The following SLC41A2 variants were observed in gnomAD, a reference collection of about 807,000 sequenced individuals.
SLC41A2 encodes the protein SLC41A1-like 1.
In SLC41A2, 32 loss-of-function variants were observed where a neutral mutation model predicts 58.3. That is an observed-to-expected ratio of 0.55 (90% CI 0.41 to 0.74). The LOEUF (loss-of-function observed/expected upper bound fraction) is 0.74. Among genes scored for constraint, SLC41A2 ranks in the 30% least tolerant of loss-of-function variants. SLC41A2 has a pLI of 0.00. For missense variants in SLC41A2, 514 were observed against 680.6 expected, an observed-to-expected ratio of 0.76 and a Z score of 2.72; for synonymous variants, 190 against 235.0, an observed-to-expected ratio of 0.81 and a Z score of 1.75.
intron 10 of SLC41A2, among the ~76,000 whole-genome samples, chr12:104,815,827 C>T (rs1486994841): frequency 6.6e-6 from 1 of 152,116 alleles, no homozygotes; most frequent in African/African-American, 2.4e-5. Flanking sequence ...TTAGCATTAT[C>T]AATCAACAGG....
chr12:104,895,376 G>A, intron 3 of SLC41A2, 31 bp from the exon 4 acceptor site: 1 of 1,488,244 alleles, frequency 6.7e-7, no homozygotes, highest in Non-Finnish European at 9.4e-7. Flanking sequence ...ATGTATCACT[G>A]AAGAAAATCT....
chr12:104,844,600 G>C lies in SLC41A2; in HGVS notation c.1408C>G (p.Gln470Glu). 3.2e-6 allele frequency: 5 copies of C among 1,538,900 alleles called. No individual in the cohort carries two copies. Among genetic ancestry groups the C allele is most frequent in the Non-Finnish European group, 4.4e-6 (5 of 1,145,320 alleles). Residue 470 changes from glutamine (Q) to glutamate (E), a missense_variant, in exon 10 of 11, where the codon CAA becomes GAA. This residue lies in a region of SLC41A2 where 128 missense variants were observed against 146.0 expected (regional missense o/e 0.88). Coordinates refer to ENST00000258538, the MANE Select transcript of SLC41A2 (RefSeq NM_001352171.3). ...FGPGVNNKSA[Q>E]VLLLLVIPGH... ...GGAATCACTAAAAGCAGTAGAACTT[G>C]AGCAGACTTATTATTTACTCCTGTA...
At chr12:104,834,875 A>T (rs2136293023) in intron 10 of SLC41A2, among the ~76,000 whole-genome samples, 1 of 152,252 alleles carries the variant, frequency 6.6e-6, no homozygotes, top group Non-Finnish European at 1.5e-5. Flanking sequence ...TTATCCTGGG[A>T]TTCCAATTAT....
At chr12:104,879,315 T>C (rs993097982) in intron 6 of SLC41A2, among the ~76,000 whole-genome samples, 6 of 152,244 alleles carry the variant, frequency 3.9e-5, no homozygotes, top group African/African-American at 1.4e-4. Flanking sequence ...TTAGTTTAAT[T>C]AGATCCCATT....
intron 6 of SLC41A2, among the ~76,000 whole-genome samples, chr12:104,878,227 A>G (rs1188854050): frequency 2.6e-5 from 4 of 151,230 alleles, no homozygotes; most frequent in African/African-American, 7.3e-5. Flanking sequence ...ATTTGCAAGC[A>G]GCTGAAAAAT....
At chr12:104,907,336 A>G (rs1236911607) in intron 3 of SLC41A2, among the ~76,000 whole-genome samples, 1 of 151,898 alleles carries the variant, frequency 6.6e-6, no homozygotes, top group Non-Finnish European at 1.5e-5. Context: ...TTAATGTTCA[A>G]TAATTACAAT....
intron 7 of SLC41A2, among the ~76,000 whole-genome samples, chr12:104,862,468 G>A (rs1331063475): frequency 1.3e-5 from 2 of 151,896 alleles, no homozygotes; most frequent in Non-Finnish European, 2.9e-5. Flanking sequence ...ATCATGTTGT[G>A]GATATAACAT....
chr12:104,892,451 C>T (rs1158626746), intron 4 of SLC41A2, among the ~76,000 whole-genome samples: 3 of 151,760 alleles, frequency 2.0e-5, no homozygotes, highest in Non-Finnish European at 4.4e-5. Context: ...TCTACAGATT[C>T]AATGTAATCC....
intron 1 of SLC41A2, among the ~76,000 whole-genome samples, chr12:104,948,802 TG>T: frequency 6.6e-6 from 1 of 152,334 alleles, no homozygotes; most frequent in Non-Finnish European, 1.5e-5. Flanking sequence ...CCCAGTAAAC[TG>T]GATTCAAGTT....
chr12:104,853,927 T>TTTTTTTTTTTA, intron 8 of SLC41A2, among the ~76,000 whole-genome samples: 3 of 135,022 alleles, frequency 2.2e-5, no homozygotes, highest in African/African-American at 8.5e-5. Context: ...TTTTTTTTTT[T>TTTTTTTTTTTA]TTTTTTTTTT....
chr12:104,899,045 A>G lies in SLC41A2; in HGVS notation c.664-3700T>C, dbSNP rs138678552. Among the ~76,000 whole-genome samples the G allele has an allele frequency of 4.9e-3, 745 of 152,298 alleles. 8 individuals carry two copies. The highest frequency in any genetic ancestry group is 0.017 in the African/African-American group (716 of 41,574). On this transcript the variant is annotated intron_variant, in intron 3 of 10. Transcript: ENST00000258538. ...TGGTGTAAAGGCCTTTGCTAGGCCTACTGTTACTAGATTAGTTGACCTGAT... is the reference window on the plus strand; with the variant it reads ...TGGTGTAAAGGCCTTTGCTAGGCCTGCTGTTACTAGATTAGTTGACCTGAT...
intron 2 of SLC41A2, among the ~76,000 whole-genome samples, chr12:104,923,088 C>T (rs1013199633): frequency 6.6e-6 from 1 of 151,122 alleles, no homozygotes; most frequent in Admixed American, 6.6e-5. Context: ...AGAGGCCGGG[C>T]GCGGTGGCTC....
At chr12:104,906,681 T>C (rs2045867126) in intron 3 of SLC41A2, among the ~76,000 whole-genome samples, 1 of 152,224 alleles carries the variant, frequency 6.6e-6, no homozygotes, top group African/African-American at 2.4e-5. Context: ...AGGTCTCCAT[T>C]TGTATTGCTA....
intron 6 of SLC41A2, among the ~76,000 whole-genome samples, chr12:104,873,716 C>T (rs886179474): frequency 9.9e-5 from 15 of 152,210 alleles, no homozygotes; most frequent in Admixed American, 2.6e-4. Context: ...TGGTAATAGC[C>T]ATTATAACAG....
chr12:104,808,075 T>A (rs1276211822), intron 10 of SLC41A2, among the ~76,000 whole-genome samples: 1 of 152,224 alleles, frequency 6.6e-6, no homozygotes, highest in Non-Finnish European at 1.5e-5. Context: ...TCCTGCCTGA[T>A]TGCCCTGGCC....
At chr12:104,856,734 T>G (rs943260448) in intron 8 of SLC41A2, among the ~76,000 whole-genome samples, 20 of 152,188 alleles carry the variant, frequency 1.3e-4, no homozygotes, top group Middle Eastern at 6.8e-3. Context: ...TCTTCTGAGA[T>G]AGGGGTGAAA....
intron 1 of SLC41A2, 90 bp from the exon 2 acceptor site, chr12:104,928,784 AAC>A (rs1000005611): frequency 3.0e-5 from 9 of 299,250 alleles, no homozygotes; most frequent in African/African-American, 1.9e-4. Context: ...AGGTATTAAA[AAC>A]ACATGTTCTT....
intron 3 of SLC41A2, among the ~76,000 whole-genome samples, chr12:104,903,178 T>C (rs7135015): frequency 0.71 from 108,143 of 152,104 alleles, 39,047 homozygotes; most frequent in African/African-American, 0.84. Context: ...TCTTGAATAT[T>C]ATCTCTAAGC....
At chr12:104,901,419 A>G (rs1193393933) in intron 3 of SLC41A2, among the ~76,000 whole-genome samples, 1 of 152,216 alleles carries the variant, frequency 6.6e-6, no homozygotes, top group African/African-American at 2.4e-5. Context: ...ATCCAGGAAA[A>G]AAATTATTCA....
Sources: allele counts gnomAD v4.1 joint callset (sites outside exome capture counted in the v4.1 genomes callset), GRCh38; gene constraint gnomAD v4.1.1; regional missense constraint gnomAD v4.1.1; transcripts MANE v1.5; gene names NCBI Gene and HGNC (gene_info 2026-07-23, HGNC 2026-07-21).